AFF3: variants seen among roughly 807,000 people sequenced by gnomAD.
The protein encoded by AFF3 is ALF transcription elongation factor 3.
Under a neutral mutation model 129.7 loss-of-function variants are expected in AFF3, and 32 were observed. The observed-to-expected ratio is 0.25, with a 90% CI of 0.19 to 0.33. The LOEUF is 0.33. AFF3 is among the 10% of genes least tolerant of loss of function. The pLI, the probability that AFF3 is intolerant of heterozygous loss-of-function variation, is 1.00. For synonymous variants in AFF3, 644 were observed against 635.4 expected (o/e 1.01, Z -0.20); for missense variants, 1,373 against 1,592.0 (o/e 0.86, Z 2.34).
intron 1 of AFF3, among the ~76,000 whole-genome samples, chr2:100,141,106 T>A (rs1384950255): frequency 6.6e-6 from 1 of 152,192 alleles, no homozygotes; most frequent in Non-Finnish European, 1.5e-5. Context: ...GAGGAAGGGA[T>A]TACTATCTAC....
intron 20 of AFF3, among the ~76,000 whole-genome samples, chr2:99,562,674 G>C (rs1223960422): frequency 6.6e-6 from 1 of 152,100 alleles, no homozygotes; most frequent in Non-Finnish European, 1.5e-5. Context: ...CATGCCAGTG[G>C]TGACTGTCCT....
intron 4 of AFF3, among the ~76,000 whole-genome samples, chr2:100,024,311 A>C (rs1683858100): frequency 6.6e-6 from 1 of 150,994 alleles, no homozygotes; most frequent in South Asian, 2.1e-4. Flanking sequence ...AGGGTGGCTC[A>C]TGCTTGTAAT....
At chr2:99,871,654 C>T (rs1004051333) in intron 7 of AFF3, among the ~76,000 whole-genome samples, 3 of 152,060 alleles carry the variant, frequency 2.0e-5, no homozygotes, top group African/African-American at 7.3e-5. Flanking sequence ...AATGTGAACC[C>T]TGAAATCATA....
intron 20 of AFF3, among the ~76,000 whole-genome samples, chr2:99,561,426 T>C (rs1235478931): frequency 6.6e-6 from 1 of 152,254 alleles, no homozygotes; most frequent in Non-Finnish European, 1.5e-5. Context: ...ATGTAATTTA[T>C]TGGTATCAAC....
Position 99,587,261 on chromosome 2 carries a change from G to A in AFF3, c.2484C>T (p.Asp828=), listed in dbSNP as rs1678212105. 1.2e-6 allele frequency: 2 copies of A among 1,614,134 alleles called. No individual in the cohort carries two copies. The highest frequency in any genetic ancestry group is 4.5e-5 in the East Asian group (2 of 44,880). Residue 828 remains aspartate, a synonymous_variant, in exon 16 of 25, where the codon GAC becomes GAT. Coordinates refer to ENST00000672756, the MANE Select transcript of AFF3 (RefSeq NM_001386135.1). ...CCTGGGACTTCTTGATCTCCCTGTA[G>A]TCGTCTTCGTTGTCACACTGTATGG... is the stretch of plus-strand genomic sequence containing the variant. ...KRKRKCDNED[D]YREIKKSQGE...
intron 8 of AFF3, among the ~76,000 whole-genome samples, chr2:99,820,508 C>T (rs1298130578): frequency 2.6e-5 from 4 of 151,880 alleles, no homozygotes; most frequent in South Asian, 2.1e-4. Flanking sequence ...AGGACATTAC[C>T]GTACACTACT....
intron 7 of AFF3, among the ~76,000 whole-genome samples, chr2:99,912,222 G>A (rs13391808): frequency 0.015 from 2,324 of 152,240 alleles, 62 homozygotes; most frequent in African/African-American, 0.053. Flanking sequence ...ATTATTAGAG[G>A]CTTAGGGCAA....
rs536253343 is a variant in AFF3, at chr2:100,076,631, A to C, written c.53+27771T>G. ...TTCTGAGGACACTGAGGTTGACTCCATTCGAGCTGATAAAACTGCCTCCCC... is the reference window on the plus strand; with the variant it reads ...TTCTGAGGACACTGAGGTTGACTCCCTTCGAGCTGATAAAACTGCCTCCCC... On this transcript the variant is annotated intron_variant, in intron 4 of 24. Transcript: ENST00000672756. Among the ~76,000 whole-genome samples the C allele has an allele frequency of 2.0e-5, 3 of 152,288 alleles. No homozygotes were observed. The South Asian group carries it at 6.2e-4, about 32-fold the overall frequency.
intron 7 of AFF3, among the ~76,000 whole-genome samples, chr2:99,891,306 C>G (rs1352508271): frequency 2.0e-5 from 3 of 152,044 alleles, no homozygotes; most frequent in Non-Finnish European, 4.4e-5. Context: ...GGCTTTGGAG[C>G]AGTTGTTTGT....
chr2:100,108,243 C>G (rs558091031), intron 2 of AFF3, among the ~76,000 whole-genome samples: 1 of 152,122 alleles, frequency 6.6e-6, no homozygotes, highest in African/African-American at 2.4e-5. Context: ...TATGTTGAAC[C>G]CCAGGACAGC....
At chr2:99,558,373 C>G (rs1362170711) in intron 22 of AFF3, among the ~76,000 whole-genome samples, 1 of 152,180 alleles carries the variant, frequency 6.6e-6, no homozygotes, top group South Asian at 2.1e-4. Flanking sequence ...GTATTCCTAG[C>G]ACTCTGGGAG....
intron 2 of AFF3, among the ~76,000 whole-genome samples, chr2:100,113,450 A>G (rs1370722527): frequency 3.9e-5 from 6 of 152,222 alleles, no homozygotes; most frequent in Admixed American, 6.5e-5. Flanking sequence ...GCCATATACA[A>G]TGTTGTTTTA....
At chr2:99,828,568 C>T (rs7425117) in intron 8 of AFF3, among the ~76,000 whole-genome samples, 92,829 of 152,048 alleles carry the variant, frequency 0.61, 29,961 homozygotes, top group South Asian at 0.79. Flanking sequence ...GACGGACCCA[C>T]TTCCAAAGGG....
chr2:99,801,777 A>C (rs1685963382), intron 8 of AFF3, among the ~76,000 whole-genome samples: 1 of 152,200 alleles, frequency 6.6e-6, no homozygotes, highest in South Asian at 2.1e-4. Flanking sequence ...GGAAATTGTA[A>C]AAACAAATTC....
At chr2:99,791,463 T>C (rs999118533) in intron 8 of AFF3, among the ~76,000 whole-genome samples, 2 of 152,230 alleles carry the variant, frequency 1.3e-5, no homozygotes, top group Admixed American at 6.5e-5. Context: ...TCTGTGCCTG[T>C]TCAGTACGGA....
chr2:99,949,621 A>G (rs1675950706), intron 7 of AFF3, among the ~76,000 whole-genome samples: 1 of 152,088 alleles, frequency 6.6e-6, no homozygotes. Flanking sequence ...AGATTCCCAT[A>G]AGGAGAAATC....
At chr2:99,731,980 C>A (rs905563245) in intron 10 of AFF3, among the ~76,000 whole-genome samples, 1 of 152,186 alleles carries the variant, frequency 6.6e-6, no homozygotes, top group African/African-American at 2.4e-5. Context: ...TGTGAAAACA[C>A]CTTCCAGGCC....
At chr2:99,563,324 A>G (rs929749838) in intron 20 of AFF3, among the ~76,000 whole-genome samples, 17 of 151,094 alleles carry the variant, frequency 1.1e-4, no homozygotes, top group Admixed American at 3.3e-4. Flanking sequence ...CTGAGTAGCT[A>G]GGACTACAGG....
chr2:99,692,088 G>A (rs1322974649), intron 11 of AFF3, among the ~76,000 whole-genome samples: 1 of 152,188 alleles, frequency 6.6e-6, no homozygotes, highest in African/African-American at 2.4e-5. Flanking sequence ...CGGAGCCCGT[G>A]GGTGTGGCGA....
Sources: allele counts gnomAD v4.1 joint callset (sites outside exome capture counted in the v4.1 genomes callset), GRCh38; gene constraint gnomAD v4.1.1; transcripts MANE v1.5; gene names NCBI Gene and HGNC (gene_info 2026-07-23, HGNC 2026-07-21).